Variants in CDH7 observed in about 807,000 individuals in gnomAD.
CDH7 encodes the protein cadherin-7.
A neutral mutation model predicts 71.8 loss-of-function variants in CDH7; 25 were observed. That is an observed-to-expected ratio of 0.35 (90% CI 0.25 to 0.49). The LOEUF (loss-of-function observed/expected upper bound fraction) is 0.49. Ranked by LOEUF, CDH7 falls within the 20% of genes least tolerant of loss-of-function variation. The probability of loss-of-function intolerance (pLI) is 0.99; values close to 1 mark genes in which losing one functional copy is unlikely to be tolerated. For missense variants in CDH7, 862 were observed against 974.6 expected, an observed-to-expected ratio of 0.88 and a Z score of 1.54; for synonymous variants, 381 against 363.8, an observed-to-expected ratio of 1.05 and a Z score of -0.54.
chr18:65,811,966 C>CTTTTTTTTTTTTTT (rs57594274), intron 3 of CDH7, among the ~76,000 whole-genome samples: 75 of 95,868 alleles, frequency 7.8e-4, no homozygotes, highest in Non-Finnish European at 1.1e-3. Flanking sequence ...CTTTTCTTTT[C>CTTTTTTTTTTTTTT]TTTTTTTTTT....
intron 2 of CDH7, among the ~76,000 whole-genome samples, chr18:65,778,339 A>T (rs1370645781): frequency 4.6e-5 from 7 of 151,028 alleles, no homozygotes; most frequent in Non-Finnish European, 7.4e-5. Flanking sequence ...GTAACCCTGA[A>T]TTCCTACAGA....
rs904369750 is a variant in CDH7, at chr18:65,757,188, T to A, written c.-196-5459T>A. Among the ~76,000 whole-genome samples, 6 of 152,164 alleles carry A rather than the reference T, an allele frequency of 3.9e-5. No homozygotes were observed. In the East Asian group the frequency reaches 1.2e-3, roughly 29 times the overall value. On this transcript the variant is annotated intron_variant, in intron 1 of 11. Transcript: ENST00000397968. ...GTGGAGGAGAAATTCCAAGAAAACG[T>A]TATAGTAATGAATTTGTTTTGGTAA...
Position 65,752,805 on chromosome 18 carries a change from TA to T in CDH7, c.-197+1657del, listed in dbSNP as rs1436815445. On this transcript the variant is annotated intron_variant, in intron 1 of 11. Coordinates refer to ENST00000397968, the MANE Select transcript of CDH7 (RefSeq NM_004361.5). ...GAGGAAAGAAAAATAAAGAAAACAA[TA>T]ATCAGTAGCACAGACCATCACCCTG... Among the ~76,000 whole-genome samples the T allele has an allele frequency of 1.2e-4, 19 of 152,242 alleles. No individual in the cohort carries two copies. The East Asian group carries it at 2.7e-3, about 22-fold the overall frequency.
intron 3 of CDH7, among the ~76,000 whole-genome samples, chr18:65,810,611 A>G (rs573414311): frequency 6.7e-6 from 1 of 149,910 alleles, no homozygotes; most frequent in South Asian, 2.1e-4. Flanking sequence ...AGATAGGTAA[A>G]TGTGTGCCAT....
In CDH7 at chr18:65,844,045, T is replaced by A. The variant is rs373309532; in HGVS notation, c.1215T>A (p.Asp405Glu). ...IIGTVAAHDP[D>E]SSNSPVRYSI... The stretch of plus-strand genomic sequence containing the variant: ...GCACTGTAGCAGCTCATGACCCAGA[T>A]TCTTCCAATAGCCCTGTGAGGTAAA... The change falls in exon 7 of 12, where the codon GAT (aspartate) becomes GAA (glutamate). Residue 405 changes from aspartate to glutamate, a missense_variant. Physicochemically the swap from Asp to Glu is conservative, Grantham distance 45. Transcript: ENST00000397968. 6.2e-7 allele frequency: 1 copy of A among 1,613,024 alleles called. No homozygotes were observed. The highest frequency in any genetic ancestry group is 1.3e-5 in the African/African-American group (1 of 74,870).
intron 7 of CDH7, among the ~76,000 whole-genome samples, chr18:65,854,941 A>G (rs994937129): frequency 7.3e-4 from 108 of 147,930 alleles, no homozygotes; most frequent in African/African-American, 2.5e-3. Flanking sequence ...ATACACACAC[A>G]TATATATACA....
chr18:65,831,424 A>G (rs1206287609), intron 6 of CDH7, among the ~76,000 whole-genome samples: 3 of 152,184 alleles, frequency 2.0e-5, no homozygotes, highest in Non-Finnish European at 4.4e-5. Flanking sequence ...TGAGGTCAAA[A>G]GTATCTCTAT....
chr18:65,818,388 A>T (rs532089569), intron 4 of CDH7, among the ~76,000 whole-genome samples: 26 of 152,208 alleles, frequency 1.7e-4, no homozygotes, highest in Admixed American at 3.3e-4. Context: ...GAATAAGTTT[A>T]CAAAAGTGAT....
rs1294685037 is a variant in CDH7 at position 65,880,848 on chromosome 18, G to A, written c.2312G>A (p.Arg771Gln). The A allele has an allele frequency of 6.2e-7, 1 of 1,613,974 alleles. No individual in the cohort carries two copies. The highest frequency in any genetic ancestry group is 8.5e-7 in the Non-Finnish European group (1 of 1,179,984). The change falls in exon 12 of 12, where the codon CGA becomes CAA. Residue 771 changes from arginine to glutamine, a missense_variant. Coordinates refer to ENST00000397968, the MANE Select transcript of CDH7 (RefSeq NM_004361.5). ...AGTGACTGGGGACCTCGCTTTAAAC[G>A]ACTCGCGGACATGTATGGGACTGGC... Reference protein sequence around the residue: ...YLSDWGPRFKRLADMYGTGQE... With the variant: ...YLSDWGPRFKQLADMYGTGQE...
At chr18:65,853,717 C>T (rs572423852) in intron 7 of CDH7, among the ~76,000 whole-genome samples, 116 of 151,866 alleles carry the variant, frequency 7.6e-4, no homozygotes, top group Non-Finnish European at 1.3e-3. Context: ...TTTCTGCAAA[C>T]ATGCCCTGAC....
rs184113837 is a variant in CDH7 at position 65,823,623 on chromosome 18, G to A, written c.794-1021G>A. Among the ~76,000 whole-genome samples the A allele has an allele frequency of 3.2e-3, 482 of 151,964 alleles. 1 individual carries two copies. The highest frequency in any genetic ancestry group is 0.024 in the Middle Eastern group (7 of 294). On this transcript the variant is annotated intron_variant, in intron 5 of 11. Transcript: ENST00000397968. ...GATATGTGAAAGGGGTCACTCAAAA[G>A]TAATAGCATATGTTATAATCATTTA...
rs531157849 is a variant in CDH7 at position 65,760,831 on chromosome 18, A to G, written c.-196-1816A>G. On this transcript the variant is annotated intron_variant, in intron 1 of 11. Transcript: ENST00000397968. ...TCATCACTGGACTAATCCCTACACT[A>G]GTGCACCATGTCCAGATCAAGTTTA... is the stretch of plus-strand genomic sequence containing the variant. 1.7e-3 allele frequency among the ~76,000 whole-genome samples: 266 copies of G among 152,312 alleles called. 1 individual carries two copies. Among genetic ancestry groups the G allele is most frequent in the African/African-American group, 6.1e-3 (253 of 41,562 alleles).
intron 6 of CDH7, among the ~76,000 whole-genome samples, chr18:65,838,306 A>T (rs1912606829): frequency 6.6e-6 from 1 of 152,212 alleles, no homozygotes; most frequent in Non-Finnish European, 1.5e-5. Context: ...TTACTTAGGA[A>T]AAAAGATTTA....
At chr18:65,763,504 A>C (rs1389568766) in intron 2 of CDH7, among the ~76,000 whole-genome samples, 1 of 152,118 alleles carries the variant, frequency 6.6e-6, no homozygotes, top group Non-Finnish European at 1.5e-5. Flanking sequence ...TTGCAGTGGA[A>C]AAACTGCAAA....
rs1315495612 is a variant in CDH7 at position 65,883,920 on chromosome 18, A to G, written c.*3026A>G. 6.6e-6 allele frequency: 1 copy of G among 152,136 alleles called. No individual in the cohort carries two copies. Among genetic ancestry groups the G allele is most frequent in the Non-Finnish European group, 1.5e-5 (1 of 67,982 alleles). The allele number at this position is 152,136 out of a possible 1,614,324, so 9.4% of individuals were successfully genotyped here. A position where few individuals can be genotyped will look rare whatever the true frequency, so the allele number is the denominator to read the frequency against. Reference sequence around the variant, plus strand: ...AGACAGGGAGAGGAGTCACTTCTTTATGGAAAACAATGGCTAAATTTCAAG... The same window carrying G: ...AGACAGGGAGAGGAGTCACTTCTTTGTGGAAAACAATGGCTAAATTTCAAG... On this transcript the variant is annotated 3_prime_UTR_variant, in exon 12 of 12. Transcript: ENST00000397968.
chr18:65,845,348 T>G lies in CDH7; in HGVS notation c.1235+1283T>G, dbSNP rs143505484. ...GAATGTATTGATGATTATACTGTTT[T>G]TAATGTGGTGATAATAGACCATTTC... is the stretch of plus-strand genomic sequence containing the variant. On this transcript the variant is annotated intron_variant, in intron 7 of 11. Transcript: ENST00000397968. Among the ~76,000 whole-genome samples the G allele has an allele frequency of 4.2e-3, 633 of 152,216 alleles. 7 individuals carry two copies. The highest frequency in any genetic ancestry group is 9.2e-3 in the African/African-American group (384 of 41,550).
At chr18:65,876,538 C>G (rs1372121124) in intron 11 of CDH7, among the ~76,000 whole-genome samples, 1 of 152,122 alleles carries the variant, frequency 6.6e-6, no homozygotes, top group Non-Finnish European at 1.5e-5. Context: ...TATTTGCTCA[C>G]TGTCGTCACT....
intron 11 of CDH7, among the ~76,000 whole-genome samples, chr18:65,864,796 C>T (rs2144042978): frequency 6.8e-6 from 1 of 147,526 alleles, no homozygotes; most frequent in East Asian, 2.0e-4. Flanking sequence ...GAGGCTGAGG[C>T]AGGAGAATGG....
chr18:65,781,780 T>TTTCTTTCTTTCTTTCTA lies in CDH7; in HGVS notation c.210+18729_210+18730insTCTTTCTTTCTTTCTAT, dbSNP rs1568181302. On this transcript the variant is annotated intron_variant, in intron 2 of 11. Transcript: ENST00000397968. ...TTTCTTTCTTTCTTTCCTTCCTTCC[T>TTTCTTTCTTTCTTTCTA]TCCTTCCTTCCTTCCTTCCTTCCTT... Among the ~76,000 whole-genome samples the TTTCTTTCTTTCTTTCTA allele has an allele frequency of 5.6e-4, 33 of 59,144 alleles. 3 individuals carry two copies. Among genetic ancestry groups the TTTCTTTCTTTCTTTCTA allele is most frequent in the African/African-American group, 1.9e-3 (14 of 7,550 alleles). The allele number at this position is 59,144 out of a possible 152,430, so 38.8% of individuals were successfully genotyped here.
Sources: allele counts gnomAD v4.1 joint callset (sites outside exome capture counted in the v4.1 genomes callset), GRCh38; gene constraint gnomAD v4.1.1; transcripts MANE v1.5; gene names NCBI Gene and HGNC (gene_info 2026-07-23, HGNC 2026-07-21).